The following DYNC1LI1 variants were observed in gnomAD, a reference collection of about 807,000 sequenced individuals.
DYNC1LI1 encodes the protein dynein cytoplasmic 1 light intermediate chain 1, also known as cytoplasmic dynein 1 light intermediate chain 1.
DYNC1LI1 carries 19 observed loss-of-function variants against 63.8 expected under a neutral mutation model. That is an observed-to-expected ratio of 0.30 (90% CI 0.21 to 0.44). The LOEUF (loss-of-function observed/expected upper bound fraction) is 0.44, where lower values mean the gene tolerates loss of function less well. Ranked by LOEUF, DYNC1LI1 falls within the 20% of genes least tolerant of loss-of-function variation. The probability of loss-of-function intolerance (pLI) is 1.00; values close to 1 mark genes in which losing one functional copy is unlikely to be tolerated. For missense variants in DYNC1LI1, 565 were observed against 630.2 expected (o/e 0.90, Z 1.11); for synonymous variants, 225 against 232.3 (o/e 0.97, Z 0.28).
chr3:32,545,375 T>G, intron 3 of DYNC1LI1: 1 of 478,408 alleles, frequency 2.1e-6, no homozygotes, highest in East Asian at 3.7e-5. Flanking sequence ...TATTTCTTAA[T>G]CCAAAACCAG....
At chr3:32,538,223 T>G (rs993385195) in intron 5 of DYNC1LI1, among the ~76,000 whole-genome samples, 1 of 141,898 alleles carries the variant, frequency 7.0e-6, no homozygotes, top group Non-Finnish European at 1.5e-5. Context: ...ATAGCAAAAC[T>G]CTCCACAAAA....
At chr3:32,559,095 C>T (rs1279856710) in intron 2 of DYNC1LI1, among the ~76,000 whole-genome samples, 1 of 150,888 alleles carries the variant, frequency 6.6e-6, no homozygotes, top group African/African-American at 2.5e-5. Flanking sequence ...TCTATGGTGC[C>T]CAGGCTAGTC....
chr3:32,570,225 G>T, intron 2 of DYNC1LI1, 121 bp downstream of exon 2: 1 of 837,022 alleles, frequency 1.2e-6, no homozygotes, highest in Non-Finnish European at 2.0e-6. Flanking sequence ...AGGTCGGGAG[G>T]CGAGGCGGGG....
At chr3:32,532,487 G>GTGTGTGTGTGTATATATATATATATATA in intron 8 of DYNC1LI1, 1 of 125,374 alleles carries the variant, frequency 8.0e-6, no homozygotes, top group African/African-American at 3.0e-5. Flanking sequence ...AAAAATGTGT[G>GTGTGTGTGTGTATATATATATATATATA]TATATATATA....
intron 2 of DYNC1LI1, among the ~76,000 whole-genome samples, chr3:32,550,861 C>T (rs1698028196): frequency 6.6e-6 from 1 of 152,116 alleles, no homozygotes; most frequent in South Asian, 2.1e-4. Flanking sequence ...GATGTGGTGG[C>T]TCATGCCTGC....
intron 5 of DYNC1LI1, among the ~76,000 whole-genome samples, chr3:32,539,950 C>T (rs906103722): frequency 1.3e-4 from 20 of 149,652 alleles, no homozygotes; most frequent in Non-Finnish European, 2.5e-4. Flanking sequence ...CTGCAAGCTC[C>T]ACCTCCCGAG....
In DYNC1LI1 at chr3:32,553,693, C is replaced by A. The variant is rs535892563; in HGVS notation, c.221-7728G>T. ...GCAGTGAACACTTACAGAGTGCCTA[C>A]CTGCAAGAGTATCCTGCCAACTGTA... On this transcript the variant is annotated intron_variant, in intron 2 of 12. Coordinates refer to ENST00000273130, the MANE Select transcript of DYNC1LI1 (RefSeq NM_016141.4). Among the ~76,000 whole-genome samples, 37 of 152,336 alleles carry A rather than the reference C, an allele frequency of 2.4e-4. 1 individual carries two copies. In the South Asian group the frequency reaches 6.8e-3, roughly 28 times the overall value.
chr3:32,533,167 T>C (rs1473041265), intron 7 of DYNC1LI1, 70 bp from the exon 8 acceptor site: 11 of 1,467,080 alleles, frequency 7.5e-6, no homozygotes, highest in South Asian at 7.1e-5. Flanking sequence ...TCCAAGATCA[T>C]GTAAAAGGAA....
intron 5 of DYNC1LI1, among the ~76,000 whole-genome samples, chr3:32,538,099 T>A (rs1293532730): frequency 1.2e-5 from 1 of 80,214 alleles, no homozygotes; most frequent in East Asian, 3.0e-4. Flanking sequence ...TATATATATA[T>A]AAAATAGCAA....
chr3:32,559,391 C>A (rs997944894), intron 2 of DYNC1LI1, among the ~76,000 whole-genome samples: 3 of 152,114 alleles, frequency 2.0e-5, no homozygotes, highest in African/African-American at 2.4e-5. Context: ...CAGGTGCATC[C>A]ACCATGCCTG....
chr3:32,538,033 TAA>T lies in DYNC1LI1; in HGVS notation c.739-931_739-930del, dbSNP rs1491296983. On this transcript the variant is annotated intron_variant, in intron 5 of 12. Transcript: ENST00000273130. ...AATATATATATATAATTTATATATA[TAA>T]TATATATATATAATTATATATATAT... Among the ~76,000 whole-genome samples the T allele has an allele frequency of 6.9e-4, 7 of 10,074 alleles. 2 individuals carry two copies. The highest frequency in any genetic ancestry group is 0.071 in the Middle Eastern group (2 of 28). The allele number at this position is 10,074 out of a possible 152,430, so 6.6% of individuals were successfully genotyped here. A position where few individuals can be genotyped will look rare whatever the true frequency, so the allele number is the denominator to read the frequency against.
intron 4 of DYNC1LI1, among the ~76,000 whole-genome samples, chr3:32,542,873 G>A (rs1207013181): frequency 6.6e-6 from 1 of 152,212 alleles, no homozygotes; most frequent in East Asian, 1.9e-4. Flanking sequence ...AGGGAATCCC[G>A]AACAGGTGGG....
At chr3:32,542,500 T>C (rs1697895948) in intron 4 of DYNC1LI1, among the ~76,000 whole-genome samples, 1 of 150,614 alleles carries the variant, frequency 6.6e-6, no homozygotes, top group Non-Finnish European at 1.5e-5. Context: ...CCCCGCCTCC[T>C]GCGTTCAAGT....
At chr3:32,529,710 TC>T in intron 10 of DYNC1LI1, 50 bp from the exon 11 acceptor site, 1 of 1,482,128 alleles carries the variant, frequency 6.7e-7, no homozygotes, top group Non-Finnish European at 9.1e-7. Context: ...ACTTTCATTT[TC>T]ACAAAAGTTA....
chr3:32,545,280 A>G (rs1575153932), intron 3 of DYNC1LI1, 174 bp from the exon 4 acceptor site: 1 of 602,348 alleles, frequency 1.7e-6, no homozygotes. Flanking sequence ...AAATGACTTA[A>G]CTGCCAGTAA....
intron 3 of DYNC1LI1, 136 bp from the exon 4 acceptor site, chr3:32,545,242 G>T (rs1444784827): frequency 7.7e-6 from 5 of 647,678 alleles, no homozygotes; most frequent in Middle Eastern, 3.8e-4. Flanking sequence ...AACAATTTAG[G>T]CCATCTACCA....
chr3:32,566,888 C>T (rs1359138756), intron 2 of DYNC1LI1, among the ~76,000 whole-genome samples: 1 of 152,048 alleles, frequency 6.6e-6, no homozygotes, highest in Non-Finnish European at 1.5e-5. Flanking sequence ...GAAGTCCTAC[C>T]TTTATTAAAA....
In DYNC1LI1 at chr3:32,533,940, G is replaced by A. The variant is rs72860517; in HGVS notation, c.968+571C>T. Reference sequence around the variant, plus strand: ...CACCTAAGCTGGAGTGAAGTGGTGCGATTTCGGTTCACTGCAACTTCTGCC... The same window carrying A: ...CACCTAAGCTGGAGTGAAGTGGTGCAATTTCGGTTCACTGCAACTTCTGCC... On this transcript the variant is annotated intron_variant, in intron 7 of 12. Transcript: ENST00000273130. 2.6e-3 allele frequency among the ~76,000 whole-genome samples: 383 copies of A among 147,570 alleles called. 1 individual carries two copies. Among genetic ancestry groups the A allele is most frequent in the African/African-American group, 9.1e-3 (363 of 39,688 alleles).
intron 12 of DYNC1LI1, among the ~76,000 whole-genome samples, chr3:32,528,112 C>CAAA (rs60912161): frequency 0.039 from 1,157 of 29,776 alleles, 71 homozygotes; most frequent in Non-Finnish European, 0.06. Context: ...GACTCCATCT[C>CAAA]AAAAAAAAAA....
Sources: allele counts gnomAD v4.1 joint callset (sites outside exome capture counted in the v4.1 genomes callset), GRCh38; gene constraint gnomAD v4.1.1; transcripts MANE v1.5; gene names NCBI Gene and HGNC (gene_info 2026-07-23, HGNC 2026-07-21).